Variants in OCA2 observed in about 807,000 individuals in gnomAD.
OCA2 encodes the protein OCA2 melanosomal transmembrane protein.
In OCA2, 77 loss-of-function variants were observed where a neutral mutation model predicts 100.2. The ratio of observed to expected loss-of-function variants is 0.77; its 90% confidence interval spans 0.64 to 0.93. The LOEUF (loss-of-function observed/expected upper bound fraction) is 0.93. OCA2 is among the 40% of genes least tolerant of loss of function. OCA2 has a pLI of 0.00. For synonymous variants in OCA2, 432 were observed against 439.2 expected (o/e 0.98, Z 0.21); for missense variants, 1,062 against 1,089.1 (o/e 0.98, Z 0.35).
At chr15:27,854,033 G>C (rs78211154) in intron 21 of OCA2, among the ~76,000 whole-genome samples, 8 of 152,278 alleles carry the variant, frequency 5.3e-5, no homozygotes, top group African/African-American at 1.9e-4. Context: ...GCTCCTGACC[G>C]CTGCAGCAGG....
rs1397106866 is a variant in OCA2, at chr15:27,882,693, T to A, written c.2080-10771A>T. Among the ~76,000 whole-genome samples, 3 of 152,032 alleles carry A rather than the reference T, an allele frequency of 2.0e-5. No individual in the cohort carries two copies. In the South Asian group the frequency reaches 6.2e-4, roughly 32 times the overall value. ...TTCTGTTTTAATCTTCTGGAGATTA[T>A]TATTTTTTTTTACTTATAAACTAAT... On this transcript the variant is annotated intron_variant, in intron 19 of 23. Coordinates refer to ENST00000354638, the MANE Select transcript of OCA2 (RefSeq NM_000275.3).
Position 27,928,105 on chromosome 15 carries a change from T to A in OCA2, c.1952-1851A>T, listed in dbSNP as rs549306133. Reference sequence around the variant, plus strand: ...CCATGCCCAGCCAACACTGAGCATCTTTTACTTACTTGACATCCATATATC... The same window carrying A: ...CCATGCCCAGCCAACACTGAGCATCATTTACTTACTTGACATCCATATATC... On this transcript the variant is annotated intron_variant, in intron 18 of 23. Transcript: ENST00000354638. Among the ~76,000 whole-genome samples, 12 of 152,298 alleles carry A rather than the reference T, an allele frequency of 7.9e-5. No homozygotes were observed. The East Asian group carries it at 2.3e-3, about 29-fold the overall frequency.
intron 11 of OCA2, 90 bp from the exon 12 acceptor site, chr15:27,986,733 T>C: frequency 2.3e-6 from 2 of 851,968 alleles, no homozygotes; most frequent in Non-Finnish European, 4.1e-6. Context: ...ATTTGAGCTC[T>C]GGCCTCTGAA....
chr15:27,828,949 A>C (rs2034838521), intron 23 of OCA2, among the ~76,000 whole-genome samples: 1 of 152,214 alleles, frequency 6.6e-6, no homozygotes, highest in Non-Finnish European at 1.5e-5. Context: ...GAAAGGGGCC[A>C]CCCTGGCTGC....
At chr15:27,793,321 T>C (rs533075023) in intron 23 of OCA2, among the ~76,000 whole-genome samples, 2 of 152,000 alleles carry the variant, frequency 1.3e-5, no homozygotes, top group African/African-American at 4.8e-5. Flanking sequence ...AAACTATTAC[T>C]AGAATCTGAA....
At chr15:27,773,620 T>C (rs892817385) in intron 23 of OCA2, among the ~76,000 whole-genome samples, 1 of 152,204 alleles carries the variant, frequency 6.6e-6, no homozygotes, top group South Asian at 2.1e-4. Context: ...TTCTGTGAGA[T>C]AGGGAGCATT....
chr15:27,846,857 G>A (rs541666540), intron 22 of OCA2, among the ~76,000 whole-genome samples: 5 of 152,176 alleles, frequency 3.3e-5, no homozygotes, highest in Non-Finnish European at 7.3e-5. Flanking sequence ...TGAGGATGGG[G>A]GGCAAGTGGG....
At chr15:27,874,374 A>C (rs939369964) in intron 19 of OCA2, among the ~76,000 whole-genome samples, 1 of 152,210 alleles carries the variant, frequency 6.6e-6, no homozygotes, top group South Asian at 2.1e-4. Context: ...ACTGTTTCTC[A>C]CATTGAGCCA....
At chr15:27,762,017 G>A (rs2030881168) in intron 23 of OCA2, among the ~76,000 whole-genome samples, 1 of 152,168 alleles carries the variant, frequency 6.6e-6, no homozygotes, top group Middle Eastern at 3.2e-3. Flanking sequence ...AGATGCAAAA[G>A]TGAGTCTTTG....
At chr15:27,902,131 G>A (rs1025199758) in intron 19 of OCA2, among the ~76,000 whole-genome samples, 9 of 152,130 alleles carry the variant, frequency 5.9e-5, no homozygotes, top group African/African-American at 1.9e-4. Flanking sequence ...ACTACGGTGT[G>A]GAAAGCATGA....
intron 2 of OCA2, among the ~76,000 whole-genome samples, chr15:28,067,933 T>A (rs1003100459): frequency 6.6e-6 from 1 of 152,188 alleles, no homozygotes; most frequent in African/African-American, 2.4e-5. Context: ...CAATAGGGTG[T>A]TGAAATCTCC....
At chr15:28,028,844 C>T (rs1423450654) in intron 3 of OCA2, among the ~76,000 whole-genome samples, 1 of 152,094 alleles carries the variant, frequency 6.6e-6, no homozygotes, top group Non-Finnish European at 1.5e-5. Context: ...CACCACCATG[C>T]CCAACTAATT....
chr15:27,770,779 A>ATTCT (rs1302416244), intron 23 of OCA2, among the ~76,000 whole-genome samples: 1 of 61,684 alleles, frequency 1.6e-5, no homozygotes, highest in African/African-American at 4.6e-5. Context: ...CCTCCCTTCC[A>ATTCT]TCCTTCCTTC....
At position 27,955,310 on chromosome 15, in the gene OCA2, G is replaced by T. The variant is rs1461488658; in HGVS notation, c.1785-95C>A. ...CCCCAGCGCTTCGTGCCTGGACGCG[G>T]TCTGTGACTTGGAGCCTGGCTGGCA... On this transcript the variant is annotated intron_variant, in intron 16 of 23. Transcript: ENST00000354638. 4 of 915,302 alleles carry T rather than the reference G, an allele frequency of 4.4e-6. No individual in the cohort carries two copies. In the African/African-American group the frequency reaches 4.9e-5, roughly 11 times the overall value. 56.7% of individuals were successfully genotyped at this position (915,302 alleles called of 1,614,324 possible).
At chr15:27,975,483 A>C (rs2040936834) in intron 14 of OCA2, among the ~76,000 whole-genome samples, 1 of 152,190 alleles carries the variant, frequency 6.6e-6, no homozygotes, top group Non-Finnish European at 1.5e-5. Flanking sequence ...GTGTGGACTA[A>C]AGTTCATTTT....
At chr15:27,936,261 G>T (rs1198602822) in intron 18 of OCA2, among the ~76,000 whole-genome samples, 1 of 146,796 alleles carries the variant, frequency 6.8e-6, no homozygotes, top group African/African-American at 2.4e-5. Flanking sequence ...CAGTTGGGTG[G>T]GTGAGTAGGA....
chr15:27,946,031 A>C (rs1416827800), intron 18 of OCA2, among the ~76,000 whole-genome samples: 1 of 152,208 alleles, frequency 6.6e-6, no homozygotes, highest in African/African-American at 2.4e-5. Context: ...GGTTGTTTGC[A>C]GTCTTTATTT....
In OCA2 at chr15:28,015,002, G is replaced by A; in HGVS notation, c.891-73C>T. The stretch of plus-strand genomic sequence containing the variant: ...GGGACCTCCCTCTGTATCAGCCATG[G>A]CATTAACCAGAGTGCAAATGGAACA... On this transcript the variant is annotated intron_variant, in intron 8 of 23. Transcript: ENST00000354638. The A allele has an allele frequency of 2.0e-6, 3 of 1,490,078 alleles. No individual in the cohort carries two copies. The South Asian group carries it at 3.5e-5, about 17-fold the overall frequency. The allele number at this position is 1,490,078 out of a possible 1,614,324, so 92.3% of individuals were successfully genotyped here. A position where few individuals can be genotyped will look rare whatever the true frequency, so the allele number is the denominator to read the frequency against.
chr15:28,034,414 G>T lies in OCA2; in HGVS notation c.228-2251C>A, dbSNP rs573961261. On this transcript the variant is annotated intron_variant, in intron 2 of 23. Coordinates refer to ENST00000354638, the MANE Select transcript of OCA2 (RefSeq NM_000275.3). ...GACTGTGAGCTCCTTAAGAATGGCT[G>T]CCATGTTTTCATCTTGTTTTATTTG... 3.9e-5 allele frequency among the ~76,000 whole-genome samples: 6 copies of T among 152,312 alleles called. No individual in the cohort carries two copies. The East Asian group carries it at 1.2e-3, about 29-fold the overall frequency.
Sources: gnomAD v4.1 joint callset for allele counts (sites outside exome capture counted in the v4.1 genomes callset) on GRCh38, gnomAD v4.1.1 for gene constraint, MANE v1.5 for transcripts, NCBI Gene and HGNC (gene_info 2026-07-23, HGNC 2026-07-21) for gene names.